The following PDZD2 variants were observed in gnomAD, a reference collection of about 807,000 sequenced individuals.
The protein encoded by PDZD2 is PDZ domain containing 2, also known as PDZ domain-containing protein 2.
PDZD2 carries 90 observed loss-of-function variants against 220.7 expected under a neutral mutation model. The observed-to-expected ratio is 0.41, with a 90% CI of 0.34 to 0.49. PDZD2 has a LOEUF of 0.49. PDZD2 is among the 20% of genes least tolerant of loss of function. The pLI is 0.28. For synonymous variants in PDZD2, 1,375 were observed against 1,450.5 expected (o/e 0.95, Z 1.18); for missense variants, 3,174 against 3,608.5 (o/e 0.88, Z 3.08).
intron 19 of PDZD2, among the ~76,000 whole-genome samples, chr5:32,079,166 C>T (rs962054637): frequency 2.1e-5 from 3 of 145,800 alleles, no homozygotes; most frequent in Admixed American, 7.0e-5. Context: ...GGCTGAGACA[C>T]GAGAATTGCT....
rs1406641761 is a variant in PDZD2, at chr5:32,014,777, G to C, written c.1407+4295G>C. On this transcript the variant is annotated intron_variant, in intron 6 of 24. Transcript: ENST00000438447. ...TGTCACCAGGCTGGAGTGCAGTGGC[G>C]CAATCTCTGCTCACTGCAACCTCCA... Among the ~76,000 whole-genome samples the C allele has an allele frequency of 4.4e-5, 6 of 135,078 alleles. No individual in the cohort carries two copies. The East Asian group carries it at 1.3e-3, about 29-fold the overall frequency. 88.6% of individuals were successfully genotyped at this position (135,078 alleles called of 152,430 possible).
intron 6 of PDZD2, among the ~76,000 whole-genome samples, chr5:32,035,542 A>G (rs1755469529): frequency 6.6e-6 from 1 of 152,028 alleles, no homozygotes; most frequent in Non-Finnish European, 1.5e-5. Flanking sequence ...GATGTTGCCC[A>G]GGCTGCTGAT....
At chr5:31,823,285 G>A (rs1015933464) in intron 2 of PDZD2, 3 of 329,924 alleles carry the variant, frequency 9.1e-6, no homozygotes, top group Admixed American at 4.2e-5. Context: ...GCCAAGGCAT[G>A]GTGAAACCTG....
chr5:31,692,292 C>A (rs1747174681), intron 1 of PDZD2, among the ~76,000 whole-genome samples: 1 of 152,226 alleles, frequency 6.6e-6, no homozygotes. Context: ...CCACTCGGAA[C>A]TTGCGCTGGC....
intron 2 of PDZD2, among the ~76,000 whole-genome samples, chr5:31,900,701 G>T (rs1742015310): frequency 1.3e-5 from 2 of 152,188 alleles, no homozygotes; most frequent in African/African-American, 4.8e-5. Flanking sequence ...GGAGGCTGAA[G>T]ATAGAAAAAT....
At chr5:31,746,851 GA>G (rs1217668816) in intron 1 of PDZD2, among the ~76,000 whole-genome samples, 1 of 152,228 alleles carries the variant, frequency 6.6e-6, no homozygotes, top group African/African-American at 2.4e-5. Context: ...GTTAACAAGA[GA>G]AAAGCATACA....
At position 32,108,272 on chromosome 5, in the gene PDZD2, A is replaced by C; in HGVS notation, c.*137A>C. The C allele has an allele frequency of 3.5e-6, 2 of 563,548 alleles. No individual in the cohort carries two copies. Among genetic ancestry groups the C allele is most frequent in the Non-Finnish European group, 6.1e-6 (2 of 329,312 alleles). 34.9% of individuals were successfully genotyped at this position (563,548 alleles called of 1,614,324 possible). On this transcript the variant is annotated 3_prime_UTR_variant, in exon 25 of 25. Coordinates refer to ENST00000438447, the MANE Select transcript of PDZD2 (RefSeq NM_178140.4). ...AAAATCTCCAAGCTTGTGCTTACAC[A>C]TGAAGCCTGACTTAACTGTATGTGC...
At chr5:31,760,594 T>G (rs1751574156) in intron 1 of PDZD2, among the ~76,000 whole-genome samples, 5 of 152,132 alleles carry the variant, frequency 3.3e-5, no homozygotes, top group Admixed American at 3.3e-4. Flanking sequence ...CCTAAGCACT[T>G]AGTCCCCAGC....
chr5:31,644,007 A>T (rs1439406651), intron 1 of PDZD2, among the ~76,000 whole-genome samples: 1 of 151,862 alleles, frequency 6.6e-6, no homozygotes, highest in Non-Finnish European at 1.5e-5. Context: ...TTTTTTAAAA[A>T]TTTTTTGTAG....
At chr5:31,791,590 CAAAAAAAAAAA>C (rs1157216997) in intron 1 of PDZD2, among the ~76,000 whole-genome samples, 23 of 50,442 alleles carry the variant, frequency 4.6e-4, no homozygotes, top group Admixed American at 1.4e-3. Context: ...AACTCCGTCT[CAAAAAAAAAAA>C]AAAAAAAAAA....
At chr5:31,888,787 A>C (rs973735082) in intron 2 of PDZD2, among the ~76,000 whole-genome samples, 2 of 152,188 alleles carry the variant, frequency 1.3e-5, no homozygotes, top group Non-Finnish European at 2.9e-5. Context: ...GTGAGTTGGA[A>C]ATCTTTGATA....
intron 2 of PDZD2, chr5:31,847,981 T>C (rs931918165): frequency 9.6e-6 from 4 of 415,892 alleles, no homozygotes; most frequent in South Asian, 6.1e-5. Flanking sequence ...TGGGGATGTA[T>C]AAGAAGGCTC....
chr5:32,067,482 A>G (rs1181712616), intron 14 of PDZD2, among the ~76,000 whole-genome samples: 1 of 152,150 alleles, frequency 6.6e-6, no homozygotes, highest in Non-Finnish European at 1.5e-5. Context: ...GTATGTGTAC[A>G]TGTTTTATTT....
chr5:32,087,886 A>C lies in PDZD2; in HGVS notation c.4438A>C (p.Thr1480Pro), dbSNP rs1742660206. ...TGCCGAACCAGTCCCGGGGGGCCAG[A>C]CCTCCTCCCCGAGGAGGGCCTGGGC... ...CRAEPVPGGQ[T>P]SSPRRAWAAG... Residue 1480 changes from threonine to proline, a missense_variant, in exon 20 of 25, where the codon ACC (threonine) becomes CCC (proline). Coordinates refer to ENST00000438447, the MANE Select transcript of PDZD2 (RefSeq NM_178140.4). This position sits in a 1 kb window ranked among gnomAD's most constrained non-coding sequence, Gnocchi z 4.0. 1.2e-6 allele frequency: 2 copies of C among 1,612,118 alleles called. No individual in the cohort carries two copies. The highest frequency in any genetic ancestry group is 1.3e-5 in the African/African-American group (1 of 74,718).
intron 1 of PDZD2, among the ~76,000 whole-genome samples, chr5:31,795,527 A>C (rs1753973706): frequency 6.6e-6 from 1 of 152,208 alleles, no homozygotes; most frequent in Non-Finnish European, 1.5e-5. Context: ...ATGTCCAAAA[A>C]TTGTGCTCAC....
At chr5:31,794,611 T>G (rs1163802268) in intron 1 of PDZD2, among the ~76,000 whole-genome samples, 2 of 152,084 alleles carry the variant, frequency 1.3e-5, no homozygotes, top group Non-Finnish European at 2.9e-5. Context: ...TTCACCATGT[T>G]GGACAGGCTG....
intron 2 of PDZD2, among the ~76,000 whole-genome samples, chr5:31,827,875 A>G (rs571573869): frequency 5.3e-5 from 8 of 152,038 alleles, no homozygotes; most frequent in African/African-American, 1.4e-4. Context: ...ACACATACCT[A>G]TTACAGGGAT....
At chr5:31,661,029 G>A (rs745561566) in intron 1 of PDZD2, among the ~76,000 whole-genome samples, 4 of 152,068 alleles carry the variant, frequency 2.6e-5, no homozygotes, top group Non-Finnish European at 4.4e-5. Flanking sequence ...CCACTGTGAC[G>A]GGCCTATAAG....
At chr5:31,911,092 A>G (rs1054146344) in intron 2 of PDZD2, among the ~76,000 whole-genome samples, 8 of 152,184 alleles carry the variant, frequency 5.3e-5, no homozygotes, top group African/African-American at 1.9e-4. Context: ...ATATGTAACA[A>G]CTTCCTCTTT....
Sources: allele counts gnomAD v4.1 joint callset (sites outside exome capture counted in the v4.1 genomes callset), GRCh38; gene constraint gnomAD v4.1.1; non-coding constraint Gnocchi (gnomAD v3.1); transcripts MANE v1.5; gene names NCBI Gene and HGNC (gene_info 2026-07-23, HGNC 2026-07-21).